PCMTD2: variants seen among roughly 807,000 people sequenced by gnomAD.
The protein encoded by PCMTD2 is protein-L-isoaspartate (D-aspartate) O-methyltransferase domain containing 2, also known as protein-L-isoaspartate O-methyltransferase domain-containing protein 2.
In PCMTD2, 16 loss-of-function variants were observed where a neutral mutation model predicts 33.4. The observed-to-expected ratio is 0.48, with a 90% CI of 0.32 to 0.73. The LOEUF (loss-of-function observed/expected upper bound fraction) is 0.73. Among genes scored for constraint, PCMTD2 ranks in the 30% least tolerant of loss-of-function variants. The pLI, the probability that PCMTD2 is intolerant of heterozygous loss-of-function variation, is 0.03. For missense variants in PCMTD2, 374 were observed against 449.9 expected, an observed-to-expected ratio of 0.83 and a Z score of 1.53; for synonymous variants, 161 against 160.8, an observed-to-expected ratio of 1.00 and a Z score of -0.01.
intron 3 of PCMTD2, 132 bp from the exon 4 acceptor site, chr20:64,265,126 T>C (rs1219024647): frequency 1.9e-6 from 1 of 536,662 alleles, no homozygotes; most frequent in African/African-American, 1.9e-5. Context: ...TGTAATTCTT[T>C]TCTTCCAGCT....
chr20:64,268,044 T>C (rs1985729779), intron 5 of PCMTD2, 34 bp downstream of exon 5: 1 of 1,509,258 alleles, frequency 6.6e-7, no homozygotes, highest in Non-Finnish European at 9.0e-7. Context: ...TTTTATCTTT[T>C]AGATCTTTTC....
At chr20:64,256,058 G>T in intron 1 of PCMTD2, 188 bp downstream of exon 1, 1 of 151,966 alleles carries the variant, frequency 6.6e-6, no homozygotes, top group South Asian at 2.1e-4. Context: ...AGGGCGTCCC[G>T]CGTTTCTCTC....
At chr20:64,267,753 G>A (rs1985717268) in intron 4 of PCMTD2, 134 bp from the exon 5 acceptor site, 6 of 700,362 alleles carry the variant, frequency 8.6e-6, no homozygotes, top group Non-Finnish European at 1.4e-5. Flanking sequence ...CATCACATTA[G>A]GGGTCCGTAT....
Position 64,269,827 on chromosome 20 carries a change from CGTG to C in PCMTD2, c.706+1821_706+1823del, listed in dbSNP as rs201721005. 6.4e-3 allele frequency among the ~76,000 whole-genome samples: 864 copies of C among 135,298 alleles called. 6 individuals are homozygous for C. Among genetic ancestry groups the C allele is most frequent in the Middle Eastern group, 0.057 (13 of 228 alleles). The allele number at this position is 135,298 out of a possible 152,430, so 88.8% of individuals were successfully genotyped here. ...GTGGGGTCATGTGAATGTGGGCACG[CGTG>C]GTGTGGGGTCATGGGTGCTGGCGTG... On this transcript the variant is annotated intron_variant, in intron 5 of 5. Coordinates refer to ENST00000308824, the MANE Select transcript of PCMTD2 (RefSeq NM_018257.3).
intron 2 of PCMTD2, among the ~76,000 whole-genome samples, chr20:64,263,805 C>T (rs959507519): frequency 6.6e-6 from 1 of 152,146 alleles, no homozygotes; most frequent in Non-Finnish European, 1.5e-5. Flanking sequence ...CCGATTTTTA[C>T]CTTCATGTAA....
intron 5 of PCMTD2, among the ~76,000 whole-genome samples, chr20:64,270,433 T>C (rs886386150): frequency 1.1e-4 from 16 of 147,296 alleles, no homozygotes; most frequent in Non-Finnish European, 1.8e-4. Context: ...GCACACGTGA[T>C]GTGTCATGTG....
At chr20:64,262,954 C>G (rs6011373) in intron 2 of PCMTD2, 4 of 152,318 alleles carry the variant, frequency 2.6e-5, no homozygotes, top group Admixed American at 6.5e-5. Flanking sequence ...CCCGGCCACC[C>G]TGTGTCCTCC....
intron 1 of PCMTD2, chr20:64,257,086 C>T (rs1477042367): frequency 6.6e-6 from 1 of 152,262 alleles, no homozygotes; most frequent in African/African-American, 2.4e-5. Flanking sequence ...TTTGATCATT[C>T]TGCCCAAAGG....
rs1985356214 is a variant in PCMTD2 at position 64,260,350 on chromosome 20, C to T, written c.307+78C>T. On this transcript the variant is annotated intron_variant, in intron 2 of 5. Transcript: ENST00000308824. ...CTCCTTTGACAGAAAATGTAGTCTGCTAATGGCCTGCCTGGGTCGAGACCG... is the reference window on the plus strand; with the variant it reads ...CTCCTTTGACAGAAAATGTAGTCTGTTAATGGCCTGCCTGGGTCGAGACCG... 22 of 1,009,660 alleles carry T rather than the reference C, an allele frequency of 2.2e-5. No individual in the cohort carries two copies. The South Asian group carries it at 2.9e-4, about 13-fold the overall frequency. 62.5% of individuals were successfully genotyped at this position (1,009,660 alleles called of 1,614,324 possible). A position where few individuals can be genotyped will look rare whatever the true frequency, so the allele number is the denominator to read the frequency against.
intron 2 of PCMTD2, among the ~76,000 whole-genome samples, chr20:64,264,217 C>G (rs1276008384): frequency 6.6e-6 from 1 of 152,196 alleles, no homozygotes; most frequent in African/African-American, 2.4e-5. Flanking sequence ...TCTCCATTTT[C>G]AAATGATTCT....
In PCMTD2 at chr20:64,259,996, A is replaced by G. The variant is rs1448652676; in HGVS notation, c.31A>G (p.Asn11Asp). ...CGGTGCTGTGAGTGCTGGTGAAGAC[A>G]ATGATGAGCTGATAGATAATTTGAA... MGGAVSAGED[N>D]DELIDNLKEA... The change falls in exon 2 of 6, where the codon AAT becomes GAT. Residue 11 changes from asparagine to aspartate, a missense_variant. Transcript: ENST00000308824. The G allele has an allele frequency of 1.2e-6, 2 of 1,612,924 alleles. No individual in the cohort carries two copies. The highest frequency in any genetic ancestry group is 1.3e-5 in the African/African-American group (1 of 74,912).
rs185123952 is a variant in PCMTD2, at chr20:64,269,048, C to T, written c.706+1038C>T. 4.6e-5 allele frequency among the ~76,000 whole-genome samples: 7 copies of T among 152,226 alleles called. No individual in the cohort carries two copies. The East Asian group carries it at 7.7e-4, about 17-fold the overall frequency. On this transcript the variant is annotated intron_variant, in intron 5 of 5. Coordinates refer to ENST00000308824, the MANE Select transcript of PCMTD2 (RefSeq NM_018257.3). ...GACATAAATCAAAATGCGTGTTCCC[C>T]GTGTAGTCAGAGTTGGGACTGATGG...
intron 3 of PCMTD2, 23 bp from the exon 4 acceptor site, chr20:64,265,235 C>G (rs1277102338): frequency 6.4e-7 from 1 of 1,570,982 alleles, no homozygotes; most frequent in Admixed American, 1.8e-5. Context: ...CTTTTAGTTG[C>G]AGGAAGCATT....
chr20:64,259,554 A>G lies in PCMTD2; in HGVS notation c.-24-388A>G, dbSNP rs6122291. ...CAGGCATCCACCAGCATGCCTGGCT[A>G]ATTTTTGTATTTTTTAGTAGAGACG... On this transcript the variant is annotated intron_variant, in intron 1 of 5. Coordinates refer to ENST00000308824, the MANE Select transcript of PCMTD2 (RefSeq NM_018257.3). Among the ~76,000 whole-genome samples the G allele has an allele frequency of 7.2e-5, 11 of 151,756 alleles. No individual in the cohort carries two copies. In the East Asian group the frequency reaches 1.6e-3, roughly 21 times the overall value.
intron 2 of PCMTD2, among the ~76,000 whole-genome samples, chr20:64,264,102 G>A (rs372492381): frequency 4.8e-4 from 73 of 152,298 alleles, no homozygotes; most frequent in African/African-American, 1.5e-3. Context: ...AAACAGAATC[G>A]TCTTAAATGT....
intron 2 of PCMTD2, among the ~76,000 whole-genome samples, chr20:64,263,642 C>T (rs2427637): frequency 0.28 from 41,960 of 152,032 alleles, 6,386 homozygotes; most frequent in South Asian, 0.42. Flanking sequence ...ATGCATCCAC[C>T]GCCATATAAA....
chr20:64,257,845 A>G (rs73327710), intron 1 of PCMTD2, among the ~76,000 whole-genome samples: 104 of 152,296 alleles, frequency 6.8e-4, no homozygotes, highest in African/African-American at 2.4e-3. Flanking sequence ...CCCCCTCCTC[A>G]CAAACTGGCT....
Position 64,275,920 on chromosome 20 carries a change from T to C in PCMTD2, c.*2320T>C, listed in dbSNP as rs1986079471. The C allele has an allele frequency of 6.6e-6, 1 of 152,210 alleles. No homozygotes were observed. The highest frequency in any genetic ancestry group is 1.5e-5 in the Non-Finnish European group (1 of 68,032). 9.4% of individuals were successfully genotyped at this position (152,210 alleles called of 1,614,324 possible). ...ATCAAATGTGTATGTAAAAATACTT[T>C]TTACCAGTCTGGAACTTGGGAAAAT... On this transcript the variant is annotated 3_prime_UTR_variant, in exon 6 of 6. Transcript: ENST00000308824.
chr20:64,265,225 C>CA, intron 3 of PCMTD2, 33 bp from the exon 4 acceptor site: 2 of 1,547,254 alleles, frequency 1.3e-6, no homozygotes, highest in African/African-American at 1.4e-5. Context: ...CAATGTGATA[C>CA]TTTTAGTTGC....
Sources: allele counts gnomAD v4.1 joint callset (sites outside exome capture counted in the v4.1 genomes callset), GRCh38; gene constraint gnomAD v4.1.1; transcripts MANE v1.5; gene names NCBI Gene and HGNC (gene_info 2026-07-23, HGNC 2026-07-21).